The following RERE variants were observed in gnomAD, a reference collection of about 807,000 sequenced individuals.
The protein encoded by RERE is arginine-glutamic acid dipeptide repeats.
Under a neutral mutation model 146.1 loss-of-function variants are expected in RERE, and 40 were observed. The observed-to-expected ratio is 0.27, with a 90% CI of 0.21 to 0.36. The LOEUF (loss-of-function observed/expected upper bound fraction) is 0.36, where lower values mean the gene tolerates loss of function less well. Ranked by LOEUF, RERE falls within the 10% of genes least tolerant of loss-of-function variation. The pLI, the probability that RERE is intolerant of heterozygous loss-of-function variation, is 1.00. For missense variants in RERE, 1,933 were observed against 2,138.7 expected (o/e 0.90, Z 1.90); for synonymous variants, 1,003 against 866.0 (o/e 1.16, Z -2.78).
At chr1:8,505,778 ACCTT>A (rs1263610811) in intron 8 of RERE, among the ~76,000 whole-genome samples, 1 of 152,178 alleles carries the variant, frequency 6.6e-6, no homozygotes, top group East Asian at 1.9e-4. Context: ...TGATCTACCC[ACCTT>A]GGCCTCCCAA....
chr1:8,409,971 ATTTTTTTT>A lies in RERE; in HGVS notation c.1284+12748_1284+12755del, dbSNP rs57424627. Among the ~76,000 whole-genome samples the A allele has an allele frequency of 1.4e-4, 13 of 95,380 alleles. 1 individual carries two copies. Among genetic ancestry groups the A allele is most frequent in the Middle Eastern group, 0.013 (2 of 160 alleles). 62.6% of individuals were successfully genotyped at this position (95,380 alleles called of 152,430 possible). A position where few individuals can be genotyped will look rare whatever the true frequency, so the allele number is the denominator to read the frequency against. ...TGGGTATGCACTATTCAATCAGGCA[ATTTTTTTT>A]TTTTTTTTTTTTTTTTTTTTACTAA... On this transcript the variant is annotated intron_variant, in intron 12 of 22. Transcript: ENST00000400908.
chr1:8,641,092 G>A (rs1255774991), intron 2 of RERE, among the ~76,000 whole-genome samples: 1 of 152,180 alleles, frequency 6.6e-6, no homozygotes, highest in African/African-American at 2.4e-5. Context: ...TGGTGAAGCT[G>A]TCAGAATAAA....
intron 1 of RERE, among the ~76,000 whole-genome samples, chr1:8,800,973 G>T (rs775425297): frequency 6.7e-6 from 1 of 149,990 alleles, no homozygotes. Flanking sequence ...CAAAAAAATT[G>T]TAAGGCCAGG....
intron 8 of RERE, among the ~76,000 whole-genome samples, chr1:8,505,067 C>A (rs1172568419): frequency 6.6e-6 from 1 of 152,176 alleles, no homozygotes; most frequent in African/African-American, 2.4e-5. Flanking sequence ...CAAATCTAGA[C>A]TGCAGAACAC....
chr1:8,685,653 G>A (rs532884977), intron 1 of RERE, among the ~76,000 whole-genome samples: 1 of 152,248 alleles, frequency 6.6e-6, no homozygotes, highest in East Asian at 1.9e-4. Flanking sequence ...CGTTTTCAAT[G>A]TCCAAAAATG....
intron 1 of RERE, among the ~76,000 whole-genome samples, chr1:8,816,365 C>T (rs746797074): frequency 6.6e-5 from 10 of 152,296 alleles, no homozygotes; most frequent in Admixed American, 1.3e-4. Flanking sequence ...CTCAAGGACC[C>T]ATTTTACTTA....
At chr1:8,490,139 G>A (rs190751907) in intron 10 of RERE, among the ~76,000 whole-genome samples, 2 of 151,788 alleles carry the variant, frequency 1.3e-5, no homozygotes, top group African/African-American at 2.4e-5. Context: ...AAGGCGGGCG[G>A]ATCACGAGGT....
chr1:8,783,368 G>A (rs564954756), intron 1 of RERE, among the ~76,000 whole-genome samples: 16 of 152,194 alleles, frequency 1.1e-4, no homozygotes, highest in African/African-American at 3.6e-4. Flanking sequence ...AAATACTGTC[G>A]CTCTATCTTC....
intron 11 of RERE, among the ~76,000 whole-genome samples, chr1:8,450,111 T>G (rs1318649689): frequency 2.0e-5 from 3 of 152,072 alleles, no homozygotes; most frequent in Non-Finnish European, 4.4e-5. Flanking sequence ...TTCCCAGAGT[T>G]GAGAAGGTGC....
intron 4 of RERE, among the ~76,000 whole-genome samples, chr1:8,600,727 A>G (rs1646611336): frequency 6.6e-6 from 1 of 151,416 alleles, no homozygotes; most frequent in South Asian, 2.1e-4. Flanking sequence ...CACAGAAAAA[A>G]TTACACTGAA....
chr1:8,578,868 G>T lies in RERE; in HGVS notation c.523-21345C>A, dbSNP rs995343918. ...CAAAACAGTAAAAGATCCTTTATAT[G>T]AAAAATAAATACATGTAAAAATTGA... On this transcript the variant is annotated intron_variant, in intron 4 of 22. Transcript: ENST00000400908. 3.9e-5 allele frequency among the ~76,000 whole-genome samples: 6 copies of T among 152,128 alleles called. No homozygotes were observed. In the South Asian group the frequency reaches 8.3e-4, roughly 21 times the overall value.
chr1:8,380,288 G>A (rs944851735), intron 12 of RERE, among the ~76,000 whole-genome samples: 12 of 151,522 alleles, frequency 7.9e-5, no homozygotes, highest in African/African-American at 2.7e-4. Context: ...TGAGCTCTGC[G>A]TCCTCACTGC....
At chr1:8,750,870 A>C (rs1640518359) in intron 1 of RERE, 1 of 827,372 alleles carries the variant, frequency 1.2e-6, no homozygotes, top group South Asian at 1.3e-5. Context: ...CCAAATCTGA[A>C]GTCAGTAAAT....
intron 11 of RERE, among the ~76,000 whole-genome samples, chr1:8,437,612 G>A (rs920136251): frequency 3.3e-5 from 5 of 152,062 alleles, no homozygotes; most frequent in Non-Finnish European, 5.9e-5. Context: ...GAACAATAGC[G>A]CTCCCATGAT....
In RERE at chr1:8,361,097, G is replaced by C. The variant is rs1641556478; in HGVS notation, c.2410C>G (p.Pro804Ala). Reference protein sequence around the residue: ...PVPHTHIQQAPALHPQRPPSP... With the variant: ...PVPHTHIQQAAALHPQRPPSP... ...GGCGGCCGCTGGGGGTGCAAGGCCGGTGCCTGTTGGATGTGGGTGTGGGGA... is the reference window on the plus strand; with the variant it reads ...GGCGGCCGCTGGGGGTGCAAGGCCGCTGCCTGTTGGATGTGGGTGTGGGGA... Residue 804 changes from proline (P) to alanine (A), a missense_variant, in exon 18 of 23, where the codon CCG becomes GCG. Coordinates refer to ENST00000400908, the MANE Select transcript of RERE (RefSeq NM_001042681.2). 6.9e-7 allele frequency: 1 copy of C among 1,441,044 alleles called. No homozygotes were observed. Among genetic ancestry groups the C allele is most frequent in the Non-Finnish European group, 9.1e-7 (1 of 1,101,638 alleles). The allele number at this position is 1,441,044 out of a possible 1,614,324, so 89.3% of individuals were successfully genotyped here.
intron 7 of RERE, among the ~76,000 whole-genome samples, chr1:8,517,433 A>G (rs1645434655): frequency 6.6e-6 from 1 of 152,198 alleles, no homozygotes; most frequent in Non-Finnish European, 1.5e-5. Context: ...TGGATTCATC[A>G]TCTTGGAGAC....
chr1:8,414,146 G>A (rs374500927), intron 12 of RERE, among the ~76,000 whole-genome samples: 1 of 151,782 alleles, frequency 6.6e-6, no homozygotes. Context: ...GGGCCATGAA[G>A]GTAAGCACCC....
At chr1:8,682,229 T>C (rs1638987631) in intron 1 of RERE, among the ~76,000 whole-genome samples, 1 of 152,212 alleles carries the variant, frequency 6.6e-6, no homozygotes, top group Admixed American at 6.5e-5. Context: ...ATAGGCTGTC[T>C]ATAACAAAGT....
At chr1:8,372,543 T>TGTGTGTGTGTG (rs6143112) in intron 12 of RERE, among the ~76,000 whole-genome samples, 52 of 150,684 alleles carry the variant, frequency 3.5e-4, no homozygotes, top group South Asian at 1.1e-3. Flanking sequence ...TGTGTGTGTG[T>TGTGTGTGTGTG]TTTAAATTAA....
Sources: allele counts gnomAD v4.1 joint callset (sites outside exome capture counted in the v4.1 genomes callset), GRCh38; gene constraint gnomAD v4.1.1; transcripts MANE v1.5; gene names NCBI Gene and HGNC (gene_info 2026-07-23, HGNC 2026-07-21).